The following LYRM4 variants were observed in gnomAD, a reference collection of about 807,000 sequenced individuals.
LYRM4 encodes LYR motif-containing protein 4.
Under a neutral mutation model 11.7 loss-of-function variants are expected in LYRM4, and 9 were observed. That is an observed-to-expected ratio of 0.77 (90% CI 0.46 to 1.34). The LOEUF (loss-of-function observed/expected upper bound fraction) is 1.34. Among genes scored for constraint, LYRM4 ranks in the 40% most tolerant of loss-of-function variants. LYRM4 has a pLI of 0.00. For missense variants in LYRM4, 133 were observed against 112.5 expected (o/e 1.18, Z -0.82); for synonymous variants, 42 against 40.4 (o/e 1.04, Z -0.15).
intron 1 of LYRM4, among the ~76,000 whole-genome samples, chr6:5,256,878 A>G (rs2127782363): frequency 6.6e-6 from 1 of 152,312 alleles, no homozygotes; most frequent in Admixed American, 6.5e-5. Context: ...GCTTAACCAG[A>G]AACCTGGATG....
chr6:5,190,081 C>T (rs1760664194), intron 2 of LYRM4, among the ~76,000 whole-genome samples: 1 of 152,174 alleles, frequency 6.6e-6, no homozygotes, highest in South Asian at 2.1e-4. Flanking sequence ...ATTATTTCCT[C>T]CTCACTTTAA....
At chr6:5,040,248 G>T in the LYRM4 span, among the ~76,000 whole-genome samples, 1 of 151,814 alleles carries the variant, frequency 6.6e-6, no homozygotes, top group Non-Finnish European at 1.5e-5. Context: ...AGCTCGAGAG[G>T]TTGAGGCGAG....
intron 2 of LYRM4, among the ~76,000 whole-genome samples, chr6:5,145,413 G>T (rs1478579815): frequency 6.6e-6 from 1 of 152,194 alleles, no homozygotes; most frequent in Non-Finnish European, 1.5e-5. Context: ...TCATTTTGCA[G>T]GAGAGGAAAC....
intron 1 of LYRM4, among the ~76,000 whole-genome samples, chr6:5,246,325 C>T (rs960506698): frequency 5.3e-5 from 8 of 152,200 alleles, no homozygotes; most frequent in African/African-American, 1.9e-4. Context: ...CCAGAAACCA[C>T]ATGGCGCCAC....
At chr6:5,094,305 G>T in the LYRM4 span, among the ~76,000 whole-genome samples, 1 of 152,090 alleles carries the variant, frequency 6.6e-6, no homozygotes, top group Non-Finnish European at 1.5e-5. Context: ...AACAAAGCAA[G>T]ATCTCATCTC....
chr6:5,116,650 A>G (rs1042281432), intron 2 of LYRM4, among the ~76,000 whole-genome samples: 3 of 152,210 alleles, frequency 2.0e-5, no homozygotes, highest in Non-Finnish European at 2.9e-5. Flanking sequence ...CAGCCACATC[A>G]GACTATTACT....
At chr6:5,202,667 G>A (rs1581496788) in intron 2 of LYRM4, among the ~76,000 whole-genome samples, 1 of 152,106 alleles carries the variant, frequency 6.6e-6, no homozygotes, top group African/African-American at 2.4e-5. Context: ...AAGATGAATA[G>A]CCTGCCATAA....
chr6:5,064,882 C>T, the LYRM4 span, among the ~76,000 whole-genome samples: 8 of 151,810 alleles, frequency 5.3e-5, no homozygotes, highest in Admixed American at 2.6e-4. Context: ...TAGCTGGATA[C>T]GTTATTTTAA....
intron 2 of LYRM4, among the ~76,000 whole-genome samples, chr6:5,193,989 T>C (rs1036215028): frequency 2.0e-5 from 3 of 147,776 alleles, no homozygotes; most frequent in Middle Eastern, 3.2e-3. Context: ...AGGCACGTTA[T>C]GTAGGCCAGG....
At chr6:5,157,525 A>C (rs1042430085) in intron 2 of LYRM4, among the ~76,000 whole-genome samples, 1 of 151,672 alleles carries the variant, frequency 6.6e-6, no homozygotes, top group African/African-American at 2.4e-5. Flanking sequence ...AAAAAAAAAA[A>C]GAAGACTGAA....
intron 2 of LYRM4, among the ~76,000 whole-genome samples, chr6:5,209,095 T>C (rs1255099364): frequency 6.6e-6 from 1 of 152,150 alleles, no homozygotes; most frequent in Non-Finnish European, 1.5e-5. Flanking sequence ...ACTTTTTATT[T>C]TATTACTATT....
At chr6:5,058,128 C>T in the LYRM4 span, among the ~76,000 whole-genome samples, 2 of 152,198 alleles carry the variant, frequency 1.3e-5, no homozygotes, top group African/African-American at 4.8e-5. Flanking sequence ...TTCCATTTTC[C>T]CGAGACCCAG....
chr6:5,041,926 T>G, the LYRM4 span, among the ~76,000 whole-genome samples: 1 of 152,260 alleles, frequency 6.6e-6, no homozygotes, highest in Non-Finnish European at 1.5e-5. Context: ...CAGTCTTATG[T>G]GCCACACAAT....
intron 2 of LYRM4, among the ~76,000 whole-genome samples, chr6:5,159,841 G>A (rs564268775): frequency 3.9e-5 from 6 of 152,136 alleles, no homozygotes; most frequent in African/African-American, 7.2e-5. Flanking sequence ...ACACAGCTCT[G>A]CCCTCTTGAC....
chr6:5,120,688 T>C (rs960411006), intron 2 of LYRM4, among the ~76,000 whole-genome samples: 2 of 152,124 alleles, frequency 1.3e-5, no homozygotes, highest in African/African-American at 4.8e-5. Flanking sequence ...ATTGGTCCAT[T>C]TTACAGGGTG....
chr6:5,085,645 C>T, the LYRM4 span: 14 of 1,548,868 alleles, frequency 9.0e-6, no homozygotes, highest in Non-Finnish European at 1.2e-5. Context: ...TGACGCTCAG[C>T]TAGGGGATAG....
At chr6:5,204,882 G>C (rs933142894) in intron 2 of LYRM4, among the ~76,000 whole-genome samples, 1 of 152,140 alleles carries the variant, frequency 6.6e-6, no homozygotes, top group African/African-American at 2.4e-5. Flanking sequence ...TTGTCTATTC[G>C]CAAAGATGCT....
intron 2 of LYRM4, among the ~76,000 whole-genome samples, chr6:5,189,483 C>G (rs768167252): frequency 2.0e-5 from 3 of 152,158 alleles, no homozygotes; most frequent in Non-Finnish European, 2.9e-5. Flanking sequence ...TCTGTGACTT[C>G]AAGAGTTTAC....
chr6:5,116,389 T>C (rs1763119934), intron 2 of LYRM4, among the ~76,000 whole-genome samples: 1 of 152,052 alleles, frequency 6.6e-6, no homozygotes, highest in Non-Finnish European at 1.5e-5. Context: ...AGGGAGGAAA[T>C]ATTAAAAAGT....
Sources: allele counts gnomAD v4.1 joint callset (sites outside exome capture counted in the v4.1 genomes callset), GRCh38; gene constraint gnomAD v4.1.1; transcripts MANE v1.5; gene names NCBI Gene and HGNC (gene_info 2026-07-23, HGNC 2026-07-21).